The following SLC25A26 variants were observed in gnomAD, a reference collection of about 807,000 sequenced individuals.
SLC25A26 encodes solute carrier family 25 member 26.
In SLC25A26, 36 loss-of-function variants were observed where a neutral mutation model predicts 37.8. That is an observed-to-expected ratio of 0.95 (90% CI 0.73 to 1.26). The LOEUF is 1.26. Ranked by LOEUF, SLC25A26 falls within the 50% of genes most tolerant of loss-of-function variation. The pLI, the probability that SLC25A26 is intolerant of heterozygous loss-of-function variation, is 0.00. For synonymous variants in SLC25A26, 129 were observed against 122.5 expected, an observed-to-expected ratio of 1.05 and a Z score of -0.35; for missense variants, 390 against 331.1, an observed-to-expected ratio of 1.18 and a Z score of -1.38.
intron 1 of SLC25A26, among the ~76,000 whole-genome samples, chr3:66,229,529 T>G (rs1205263313): frequency 6.6e-6 from 1 of 152,220 alleles, no homozygotes; most frequent in Non-Finnish European, 1.5e-5. Context: ...TTTCCCCTCT[T>G]GCACTCTCTG....
chr3:66,348,598 C>G (rs1212677832), intron 6 of SLC25A26, among the ~76,000 whole-genome samples: 1 of 152,080 alleles, frequency 6.6e-6, no homozygotes, highest in Non-Finnish European at 1.5e-5. Flanking sequence ...TGAAGAGTAT[C>G]ATAAAAATTA....
upstream of SLC25A26, among the ~76,000 whole-genome samples, chr3:66,219,899 T>TA (rs1238615389): frequency 6.6e-6 from 1 of 152,192 alleles, no homozygotes; most frequent in Non-Finnish European, 1.5e-5. Context: ...GGAGAAAACT[T>TA]AATCTTGGAA....
chr3:66,303,841 G>A (rs1208086060), intron 5 of SLC25A26, among the ~76,000 whole-genome samples: 1 of 152,114 alleles, frequency 6.6e-6, no homozygotes. Context: ...CTGAGGCTAG[G>A]GTCCTCTTCC....
chr3:66,278,207 A>T (rs984309260), intron 5 of SLC25A26, among the ~76,000 whole-genome samples: 2 of 152,190 alleles, frequency 1.3e-5, no homozygotes, highest in African/African-American at 4.8e-5. Context: ...GTTTTTAAAA[A>T]ACAAACTAAA....
At chr3:66,211,340 G>T (rs2106837484) in intron 1 of SLC25A26, among the ~76,000 whole-genome samples, 1 of 152,288 alleles carries the variant, frequency 6.6e-6, no homozygotes, top group African/African-American at 2.4e-5. Context: ...AGACCACAGT[G>T]CCCTGAAGCT....
At chr3:66,324,469 A>G (rs73833463) in intron 5 of SLC25A26, among the ~76,000 whole-genome samples, 5,731 of 152,078 alleles carry the variant, frequency 0.038, 350 homozygotes, top group African/African-American at 0.13. Flanking sequence ...CATGGGAGCA[A>G]TTGGGGAGGT....
At chr3:66,314,429 C>T (rs995977971) in intron 5 of SLC25A26, among the ~76,000 whole-genome samples, 8 of 151,786 alleles carry the variant, frequency 5.3e-5, no homozygotes, top group East Asian at 1.9e-4. Context: ...TATTGATTTG[C>T]GTATGTTGAA....
intron 1 of SLC25A26, among the ~76,000 whole-genome samples, chr3:66,169,870 A>G (rs1015140037): frequency 6.6e-6 from 1 of 152,220 alleles, no homozygotes; most frequent in Admixed American, 6.5e-5. Flanking sequence ...CTTGGAATTT[A>G]CAGATATCTT....
chr3:66,155,602 G>A (rs997724293), intron 1 of SLC25A26, among the ~76,000 whole-genome samples: 2 of 152,234 alleles, frequency 1.3e-5, no homozygotes, highest in African/African-American at 4.8e-5. Flanking sequence ...TATGTGGTAG[G>A]ATTTTGTCAT....
chr3:66,297,252 C>T (rs149948037), intron 5 of SLC25A26, among the ~76,000 whole-genome samples: 1,904 of 148,746 alleles, frequency 0.013, 43 homozygotes, highest in African/African-American at 0.043. Flanking sequence ...TGCTTGAATC[C>T]GGGAGGTGGA....
intron 5 of SLC25A26, among the ~76,000 whole-genome samples, chr3:66,320,305 A>T (rs781380913): frequency 4.0e-5 from 6 of 151,834 alleles, no homozygotes; most frequent in Non-Finnish European, 4.4e-5. Context: ...AATCCACTTT[A>T]TGTCTCTGTG....
intron 1 of SLC25A26, among the ~76,000 whole-genome samples, chr3:66,179,326 G>A (rs2070650726): frequency 6.6e-6 from 1 of 152,136 alleles, no homozygotes; most frequent in African/African-American, 2.4e-5. Context: ...AATTTAATGT[G>A]TGTTGATTTG....
At chr3:66,260,735 C>G (rs748696107) in intron 3 of SLC25A26, among the ~76,000 whole-genome samples, 93 of 152,082 alleles carry the variant, frequency 6.1e-4, no homozygotes, top group Non-Finnish European at 1.2e-3. Context: ...CAAGCTGTCA[C>G]CTGTTTTTGT....
Position 66,236,704 on chromosome 3 carries a change from A to G in SLC25A26, c.190+4A>G, listed in dbSNP as rs782089629. 96 of 1,504,144 alleles carry G rather than the reference A, an allele frequency of 6.4e-5. No homozygotes were observed. The highest frequency in any genetic ancestry group is 8.1e-5 in the Non-Finnish European group (91 of 1,123,080). 93.2% of individuals were successfully genotyped at this position (1,504,144 alleles called of 1,614,324 possible). On this transcript the variant is annotated splice_donor_region_variant and intron_variant, in intron 2 of 9. Transcript: ENST00000354883. ...GCTATTGGATCCTTTCCTAATGGTA[A>G]AAAATTATATTCTCACTTCTGTAAA...
chr3:66,215,604 T>G (rs1054165018), intron 1 of SLC25A26, among the ~76,000 whole-genome samples: 47 of 152,238 alleles, frequency 3.1e-4, no homozygotes, highest in African/African-American at 1.0e-3. Context: ...AAGCATTTAT[T>G]GAAAGAGTCA....
chr3:66,204,161 C>T (rs2071143789), intron 1 of SLC25A26, among the ~76,000 whole-genome samples: 1 of 152,026 alleles, frequency 6.6e-6, no homozygotes, highest in Admixed American at 6.5e-5. Context: ...CGCGGTGGCT[C>T]ACGCCTGTAA....
chr3:66,348,096 C>T (rs707014), intron 6 of SLC25A26, among the ~76,000 whole-genome samples: 11,577 of 152,180 alleles, frequency 0.076, 608 homozygotes, highest in African/African-American at 0.15. Flanking sequence ...GTGTAACAAA[C>T]TTGCACATCC....
At chr3:66,243,848 C>T (rs1306603753) in intron 3 of SLC25A26, among the ~76,000 whole-genome samples, 1 of 152,180 alleles carries the variant, frequency 6.6e-6, no homozygotes, top group Non-Finnish European at 1.5e-5. Flanking sequence ...CCAGCTCCTC[C>T]AGCTCCCACT....
At chr3:66,221,572 T>C (rs2071498237) in intron 1 of SLC25A26, among the ~76,000 whole-genome samples, 1 of 152,042 alleles carries the variant, frequency 6.6e-6, no homozygotes, top group Admixed American at 6.6e-5. Context: ...TCTTAGAAAA[T>C]GACATGTCCT....
Sources: gnomAD v4.1 joint callset for allele counts (sites outside exome capture counted in the v4.1 genomes callset) on GRCh38, gnomAD v4.1.1 for gene constraint, MANE v1.5 for transcripts, NCBI Gene and HGNC (gene_info 2026-07-23, HGNC 2026-07-21) for gene names.